Variants in UMODL1 observed in about 807,000 individuals in gnomAD.
UMODL1 encodes uromodulin like 1.
Under a neutral mutation model 136.3 loss-of-function variants are expected in UMODL1, and 128 were observed. That is an observed-to-expected ratio of 0.94 (90% CI 0.81 to 1.09). UMODL1 has a LOEUF of 1.09. Among genes scored for constraint, UMODL1 ranks in the 50% least tolerant of loss-of-function variants. The pLI is 0.00. For synonymous variants in UMODL1, 721 were observed against 720.0 expected (o/e 1.00, Z -0.02); for missense variants, 1,766 against 1,725.6 (o/e 1.02, Z -0.41).
At position 42,099,551 on chromosome 21, in the gene UMODL1, G is replaced by A. The variant is rs964036465; in HGVS notation, c.1186+371G>A. 1.1e-4 allele frequency among the ~76,000 whole-genome samples: 16 copies of A among 152,192 alleles called. No homozygotes were observed. Among genetic ancestry groups the A allele is most frequent in the African/African-American group, 3.4e-4 (14 of 41,450 alleles). The stretch of plus-strand genomic sequence containing the variant: ...TGGCAGGCAGATCCGGACCCTGCCC[G>A]CTTACCCAGCAGCACTGAGGCCGTC... On this transcript the variant is annotated intron_variant, in intron 7 of 22. Transcript: ENST00000408910. The surrounding 1 kb of genome is among the most constrained non-coding windows in gnomAD (Gnocchi z 4.1).
At chr21:42,135,454 C>T (rs2067192797) in intron 21 of UMODL1, among the ~76,000 whole-genome samples, 1 of 152,210 alleles carries the variant, frequency 6.6e-6, no homozygotes, top group Non-Finnish European at 1.5e-5. Flanking sequence ...GGAGAGGTGG[C>T]AACTGAACAG....
At chr21:42,075,012 C>G (rs2066272059) in intron 1 of UMODL1, among the ~76,000 whole-genome samples, 1 of 152,092 alleles carries the variant, frequency 6.6e-6, no homozygotes, top group African/African-American at 2.4e-5. Flanking sequence ...CGCCATTCTG[C>G]CTCAGCCTCC....
rs761138521 is a variant in UMODL1, at chr21:42,119,329, G to A, written c.2689+5G>A. The stretch of plus-strand genomic sequence containing the variant: ...GAGGCGACACCTTCATACAGGGTAC[G>A]AGAGGCTGGGATGGAGCCTCTCCCG... On this transcript the variant is annotated splice_donor_5th_base_variant and intron_variant, in intron 15 of 22. Coordinates refer to ENST00000408910, the MANE Select transcript of UMODL1 (RefSeq NM_001004416.3). 17 of 1,612,728 alleles carry A rather than the reference G, an allele frequency of 1.1e-5. No individual in the cohort carries two copies. The Admixed American group carries it at 1.7e-4, about 16-fold the overall frequency.
At chr21:42,107,984 A>T (rs904618699) in intron 9 of UMODL1, among the ~76,000 whole-genome samples, 1 of 152,104 alleles carries the variant, frequency 6.6e-6, no homozygotes, top group African/African-American at 2.4e-5. Context: ...CCAGCCCGGG[A>T]GGGTGCAGAG....
chr21:42,069,455 T>C (rs953457305), upstream of UMODL1, among the ~76,000 whole-genome samples: 2 of 152,218 alleles, frequency 1.3e-5, no homozygotes, highest in Non-Finnish European at 2.9e-5. Flanking sequence ...TAAAATGTCT[T>C]GATTTTGTTC....
intron 12 of UMODL1, among the ~76,000 whole-genome samples, chr21:42,111,911 C>A (rs1364772158): frequency 6.6e-6 from 1 of 152,164 alleles, no homozygotes; most frequent in African/African-American, 2.4e-5. Flanking sequence ...GGTCCCCTTG[C>A]CTGTCCCAGA....
At position 42,102,278 on chromosome 21, in the gene UMODL1, G is replaced by A; in HGVS notation, c.1299G>A (p.Glu433=). The change falls in exon 8 of 23, where the codon GAG becomes GAA. Residue 433 remains glutamate, a splice_region_variant and synonymous_variant. Transcript: ENST00000408910. ...ACTTTTCTAGACAACTGCTTCACGA[G>A]GTAAAGCCACAATGCAGACAGAAAT... ...YQDFSRQLLH[E]VESSFPPVVS... is the part of the protein sequence containing the mutation. 1 of 1,599,906 alleles carries A rather than the reference G, an allele frequency of 6.3e-7. No individual in the cohort carries two copies. Among genetic ancestry groups the A allele is most frequent in the Middle Eastern group, 1.7e-4 (1 of 6,036 alleles).
chr21:42,091,069 A>G (rs220305), intron 6 of UMODL1, among the ~76,000 whole-genome samples: 72,290 of 152,088 alleles, frequency 0.48, 17,367 homozygotes, highest in East Asian at 0.53. Flanking sequence ...TAACCGGCAC[A>G]GAATACACTT....
chr21:42,108,234 T>C (rs958353687), intron 9 of UMODL1: 1 of 473,164 alleles, frequency 2.1e-6, no homozygotes, highest in Non-Finnish European at 4.4e-6. Flanking sequence ...CTGTCCTCCG[T>C]GGACTGCAGC....
At position 42,110,967 on chromosome 21, in the gene UMODL1, G is replaced by A. The variant is rs908146960; in HGVS notation, c.1745G>A (p.Gly582Asp). Residue 582 changes from glycine (G) to aspartate (D), a missense_variant, in exon 11 of 23, where the codon GGC becomes GAC. Coordinates refer to ENST00000408910, the MANE Select transcript of UMODL1 (RefSeq NM_001004416.3). ...PGLGTGTAAL[G>D]LENFTLSPSP... ...CTTGGCACGGGAACAGCAGCCCTCG[G>A]CCTAGAGAACTTCACCTTGTCACCC... The A allele has an allele frequency of 1.9e-6, 3 of 1,612,986 alleles. No individual in the cohort carries two copies. In the African/African-American group the frequency reaches 4.0e-5, roughly 22 times the overall value.
chr21:42,072,810 C>T lies in UMODL1; in HGVS notation c.76+1418C>T, dbSNP rs373604423. On this transcript the variant is annotated intron_variant, in intron 1 of 22. Transcript: ENST00000408910. Reference sequence around the variant, plus strand: ...TGTTGGCCCCAGAGCATTAGGCTTTCCCATCTCTGAGACCGGAATCCAAGA... The same window carrying T: ...TGTTGGCCCCAGAGCATTAGGCTTTTCCATCTCTGAGACCGGAATCCAAGA... 1.1e-4 allele frequency among the ~76,000 whole-genome samples: 16 copies of T among 152,368 alleles called. No individual in the cohort carries two copies. In the South Asian group the frequency reaches 3.3e-3, roughly 32 times the overall value.
In UMODL1 at chr21:42,099,297, C is replaced by T. The variant is rs571936167; in HGVS notation, c.1186+117C>T. 1.6e-5 allele frequency: 23 copies of T among 1,395,218 alleles called. No homozygotes were observed. The African/African-American group carries it at 3.2e-4, about 19-fold the overall frequency. The allele number at this position is 1,395,218 out of a possible 1,614,324, so 86.4% of individuals were successfully genotyped here. A position where few individuals can be genotyped will look rare whatever the true frequency, so the allele number is the denominator to read the frequency against. The stretch of plus-strand genomic sequence containing the variant: ...TAACCAGGGCACCAGAAGTCACTGA[C>T]CGCCCTGCACTTCCTCCCTCCCCTC... On this transcript the variant is annotated intron_variant, in intron 7 of 22. Transcript: ENST00000408910. This position sits in a 1 kb window ranked among gnomAD's most constrained non-coding sequence, Gnocchi z 4.1.
At chr21:42,073,553 G>A (rs886116518) in intron 1 of UMODL1, among the ~76,000 whole-genome samples, 3 of 152,158 alleles carry the variant, frequency 2.0e-5, no homozygotes, top group East Asian at 3.9e-4. Context: ...GAGTGGGGTC[G>A]CTGTGCAGCA....
chr21:42,065,823 C>T (rs537734388), intron 1 of UMODL1, among the ~76,000 whole-genome samples: 6 of 152,270 alleles, frequency 3.9e-5, no homozygotes, highest in Non-Finnish European at 5.9e-5. Context: ...TGAGCCACTG[C>T]ACTCAGCCTG....
chr21:42,113,776 A>G lies in UMODL1; in HGVS notation c.2308A>G (p.Met770Val). 1 of 1,614,106 alleles carries G rather than the reference A, an allele frequency of 6.2e-7. No individual in the cohort carries two copies. ...TGGGGTCTTGCACCTGGTTGAGATC[A>G]TGGCCAAAGCATGTGGGAAAGAAGG... ...EPGVLHLVEI[M>V]AKACGKEGAR... The change falls in exon 13 of 23, where the codon ATG (methionine) becomes GTG (valine). Residue 770 changes from methionine to valine, a missense_variant. By Grantham distance (21) the Met-to-Val change is conservative. Transcript: ENST00000408910.
At chr21:42,098,432 C>T (rs115952059) in intron 6 of UMODL1, among the ~76,000 whole-genome samples, 10,277 of 151,982 alleles carry the variant, frequency 0.068, 496 homozygotes, top group African/African-American at 0.15. Context: ...AAGATTGATA[C>T]CTCTGTTTTG....
chr21:42,090,200 C>T lies in UMODL1; in HGVS notation c.791-98C>T, dbSNP rs543589538. The T allele has an allele frequency of 7.8e-5, 120 of 1,531,588 alleles. No individual in the cohort carries two copies. The African/African-American group carries it at 9.3e-4, about 12-fold the overall frequency. 94.9% of individuals were successfully genotyped at this position (1,531,588 alleles called of 1,614,324 possible). A position where few individuals can be genotyped will look rare whatever the true frequency, so the allele number is the denominator to read the frequency against. On this transcript the variant is annotated intron_variant, in intron 5 of 22. Transcript: ENST00000408910. ...CCCCTCAACCGACGTGGCACAAATC[C>T]GTGGCACGAGTCCACAGAGGCCGTG...
chr21:42,103,422 C>T (rs2066662283), intron 8 of UMODL1: 6 of 345,266 alleles, frequency 1.7e-5, no homozygotes, highest in South Asian at 1.3e-4. Flanking sequence ...AAGCACCTGG[C>T]TCTGTGTGCG....
intron 2 of UMODL1, among the ~76,000 whole-genome samples, chr21:42,083,847 C>T (rs220300): frequency 3.8e-3 from 574 of 152,314 alleles, no homozygotes; most frequent in Middle Eastern, 6.8e-3. Flanking sequence ...GAAACAGAGA[C>T]ACCTAGGACC....
Sources: allele counts gnomAD v4.1 joint callset (sites outside exome capture counted in the v4.1 genomes callset), GRCh38; gene constraint gnomAD v4.1.1; non-coding constraint Gnocchi (gnomAD v3.1); transcripts MANE v1.5; gene names NCBI Gene and HGNC (gene_info 2026-07-23, HGNC 2026-07-21).